LRP1B: variants seen among roughly 807,000 people sequenced by gnomAD.
LRP1B encodes low-density lipoprotein receptor-related protein 1B.
Under a neutral mutation model 556.6 loss-of-function variants are expected in LRP1B, and 217 were observed. The ratio of observed to expected loss-of-function variants is 0.39; its 90% CI spans 0.35 to 0.44. LRP1B has a LOEUF of 0.44. LRP1B is among the 20% of genes least tolerant of loss of function. LRP1B has a pLI of 1.00. For missense variants in LRP1B, 5,053 were observed against 5,620.8 expected (o/e 0.90, Z 3.23); for synonymous variants, 2,047 against 1,865.8 (o/e 1.10, Z -2.50).
chr2:141,937,265 T>A (rs1009338502), intron 1 of LRP1B, among the ~76,000 whole-genome samples: 42 of 151,546 alleles, frequency 2.8e-4, no homozygotes, highest in African/African-American at 9.5e-4. Context: ...TAGTCCCAGC[T>A]ACTGGGAGAG....
chr2:141,588,099 TAAC>T (rs1269109994), intron 2 of LRP1B, among the ~76,000 whole-genome samples: 1 of 152,068 alleles, frequency 6.6e-6, no homozygotes, highest in Non-Finnish European at 1.5e-5. Flanking sequence ...CTCTTTTTCT[TAAC>T]ATACTTTTGT....
At chr2:140,846,782 A>G (rs12467730) in intron 29 of LRP1B, among the ~76,000 whole-genome samples, 82,804 of 151,942 alleles carry the variant, frequency 0.54, 24,093 homozygotes, top group Middle Eastern at 0.66. Context: ...AGGTTTCCAC[A>G]GAGTCATTCA....
chr2:141,277,478 T>A (rs1192543639), intron 3 of LRP1B, among the ~76,000 whole-genome samples: 1 of 152,226 alleles, frequency 6.6e-6, no homozygotes, highest in Non-Finnish European at 1.5e-5. Context: ...GCTTTCACTT[T>A]TTCTTGCCTT....
intron 16 of LRP1B, among the ~76,000 whole-genome samples, chr2:140,990,729 G>A (rs551243378): frequency 6.6e-6 from 1 of 152,154 alleles, no homozygotes; most frequent in South Asian, 2.1e-4. Context: ...AACCTTCTAT[G>A]ATTATTTTTC....
At chr2:140,888,757 A>T (rs962512516) in intron 23 of LRP1B, among the ~76,000 whole-genome samples, 1 of 151,962 alleles carries the variant, frequency 6.6e-6, no homozygotes, top group Non-Finnish European at 1.5e-5. Context: ...TGAGGTCAGG[A>T]GTTTGAGACC....
chr2:141,404,654 C>T (rs1690566011), intron 3 of LRP1B, among the ~76,000 whole-genome samples: 1 of 152,056 alleles, frequency 6.6e-6, no homozygotes, highest in Non-Finnish European at 1.5e-5. Context: ...GGAAATAATG[C>T]TGAATGTATA....
intron 68 of LRP1B, among the ~76,000 whole-genome samples, chr2:140,374,883 T>C (rs560634026): frequency 3.9e-4 from 59 of 152,256 alleles, no homozygotes; most frequent in African/African-American, 1.4e-3. Context: ...AATGGTACTG[T>C]TGTGTCATTT....
chr2:140,239,454 T>C lies in LRP1B; in HGVS notation c.13403A>G (p.Lys4468Arg), dbSNP rs1680855452. 1 of 1,594,642 alleles carries C rather than the reference T, an allele frequency of 6.3e-7. No homozygotes were observed. Among genetic ancestry groups the C allele is most frequent in the Non-Finnish European group, 8.6e-7 (1 of 1,168,098 alleles). ...CATTGCATCTTACCTTCTTTTTCTT[T>C]TACAAAGCACTAAACCAATTACTAA... is the stretch of plus-strand genomic sequence containing the variant. The part of the protein sequence containing the change: ...TTLVIGLVLC[K>R]RKRRTKTIRR... The change falls in exon 88 of 91, where the codon AAA becomes AGA. Residue 4468 changes from lysine (K) to arginine (R), a missense_variant. This residue lies in a region of LRP1B where 551 missense variants were observed against 592.0 expected (regional missense o/e 0.93). Transcript: ENST00000389484.
At chr2:140,879,619 T>C (rs960459793) in intron 25 of LRP1B, among the ~76,000 whole-genome samples, 2 of 152,158 alleles carry the variant, frequency 1.3e-5, no homozygotes, top group Non-Finnish European at 2.9e-5. Context: ...ATATACTTGA[T>C]AATGTGCTAT....
At chr2:141,820,555 G>A (rs560461920) in intron 1 of LRP1B, among the ~76,000 whole-genome samples, 26 of 152,054 alleles carry the variant, frequency 1.7e-4, no homozygotes, top group Admixed American at 3.3e-4. Context: ...TGAATTAGAC[G>A]GGCATTGAGG....
intron 1 of LRP1B, among the ~76,000 whole-genome samples, chr2:141,891,524 AC>A (rs1261590238): frequency 6.6e-6 from 1 of 152,140 alleles, no homozygotes; most frequent in Non-Finnish European, 1.5e-5. Flanking sequence ...AAGCAATGAA[AC>A]AAGGTAAGAT....
At chr2:141,611,617 A>G (rs1313961882) in intron 2 of LRP1B, among the ~76,000 whole-genome samples, 1 of 152,244 alleles carries the variant, frequency 6.6e-6, no homozygotes, top group East Asian at 1.9e-4. Flanking sequence ...ATCATTATTT[A>G]TAACAAGCTG....
chr2:140,859,463 T>A (rs888803697), intron 27 of LRP1B, among the ~76,000 whole-genome samples: 1 of 152,134 alleles, frequency 6.6e-6, no homozygotes, highest in Non-Finnish European at 1.5e-5. Flanking sequence ...AAGAAAAGTT[T>A]AATTTTCTAT....
At chr2:140,641,917 A>G (rs16854990) in intron 41 of LRP1B, among the ~76,000 whole-genome samples, 6,648 of 152,330 alleles carry the variant, frequency 0.044, 178 homozygotes, top group Middle Eastern at 0.065. Context: ...GAAACAAAAA[A>G]TCATTCAAGA....
At chr2:140,282,679 G>A in intron 84 of LRP1B, among the ~76,000 whole-genome samples, 1 of 151,878 alleles carries the variant, frequency 6.6e-6, no homozygotes, top group South Asian at 2.1e-4. Flanking sequence ...TAATGACACA[G>A]CCTATAATCT....
At position 140,274,521 on chromosome 2, in the gene LRP1B, T is replaced by C. The variant is rs150567448; in HGVS notation, c.13045A>G (p.Thr4349Ala). 5.5e-5 allele frequency: 88 copies of C among 1,612,564 alleles called. No homozygotes were observed. In the African/African-American group the frequency reaches 1.1e-3, roughly 20 times the overall value. Residue 4349 changes from threonine to alanine, a missense_variant, in exon 85 of 91, where the codon ACG (threonine) becomes GCG (alanine). Thr to Ala is a moderately conservative substitution (Grantham distance 58). Around this residue, in one of 5 missense-constraint regions of LRP1B, gnomAD observed 551 missense variants for 592.0 expected, o/e 0.93. Transcript: ENST00000389484. Reference protein sequence around the residue: ...DDGSVECVCPTRYEGPKCEVD... With the variant: ...DDGSVECVCPARYEGPKCEVD... ...TCACATTTTGGTCCTTCATAGCGCG[T>C]TGGACAGACACATTCAACACTTCCA...
intron 37 of LRP1B, among the ~76,000 whole-genome samples, chr2:140,715,500 A>C (rs1687178216): frequency 6.6e-6 from 1 of 152,090 alleles, no homozygotes; most frequent in Admixed American, 6.6e-5. Context: ...ACAGTTAGTT[A>C]TACTTATTTA....
At chr2:140,573,322 G>A (rs1402139516) in intron 43 of LRP1B, among the ~76,000 whole-genome samples, 1 of 151,672 alleles carries the variant, frequency 6.6e-6, no homozygotes, top group African/African-American at 2.4e-5. Flanking sequence ...AAAATTTAGG[G>A]TAAAAATGAA....
At chr2:141,014,326 A>G (rs974491082) in intron 13 of LRP1B, among the ~76,000 whole-genome samples, 3 of 152,050 alleles carry the variant, frequency 2.0e-5, no homozygotes, top group Non-Finnish European at 4.4e-5. Context: ...ATAGATAAAA[A>G]CTCACTGGCA....
Sources: gnomAD v4.1 joint callset for allele counts (sites outside exome capture counted in the v4.1 genomes callset) on GRCh38, gnomAD v4.1.1 for gene constraint, gnomAD v4.1.1 regional missense constraint, MANE v1.5 for transcripts, NCBI Gene and HGNC (gene_info 2026-07-23, HGNC 2026-07-21) for gene names.